Variants in FSTL4 observed in about 807,000 individuals in gnomAD.
FSTL4 encodes follistatin like 4.
Under a neutral mutation model 78.2 loss-of-function variants are expected in FSTL4, and 28 were observed. That is an observed-to-expected ratio of 0.36 (90% CI 0.27 to 0.49). The LOEUF (loss-of-function observed/expected upper bound fraction) is 0.49, where lower values mean the gene tolerates loss of function less well. Ranked by LOEUF, FSTL4 falls within the 20% of genes least tolerant of loss-of-function variation. The pLI is 0.98. For synonymous variants in FSTL4, 422 were observed against 440.5 expected, an observed-to-expected ratio of 0.96 and a Z score of 0.53; for missense variants, 922 against 1,084.9, an observed-to-expected ratio of 0.85 and a Z score of 2.11.
chr5:133,501,629 T>TA (rs1236925004), intron 3 of FSTL4, among the ~76,000 whole-genome samples: 1 of 152,212 alleles, frequency 6.6e-6, no homozygotes, highest in African/African-American at 2.4e-5. Context: ...GGCAGAATTC[T>TA]AAAAATGCCT....
intron 2 of FSTL4, among the ~76,000 whole-genome samples, chr5:133,578,973 C>T (rs1580801442): frequency 6.6e-6 from 1 of 151,662 alleles, no homozygotes; most frequent in African/African-American, 2.4e-5. Flanking sequence ...AATGAGCAAT[C>T]ACCACGTCCA....
At chr5:133,324,709 G>A (rs574963707) in intron 4 of FSTL4, among the ~76,000 whole-genome samples, 5 of 152,340 alleles carry the variant, frequency 3.3e-5, no homozygotes, top group Non-Finnish European at 5.9e-5. Flanking sequence ...GTCTGTTACC[G>A]GTATGACTGT....
intron 2 of FSTL4, among the ~76,000 whole-genome samples, chr5:133,595,517 A>T (rs189923032): frequency 6.6e-6 from 1 of 152,186 alleles, no homozygotes; most frequent in Admixed American, 6.5e-5. Context: ...GATATTTACC[A>T]CTCCACTGGA....
chr5:133,557,986 G>T (rs1352402561), intron 3 of FSTL4, among the ~76,000 whole-genome samples: 1 of 152,170 alleles, frequency 6.6e-6, no homozygotes, highest in Non-Finnish European at 1.5e-5. Context: ...TCAGAGAGTT[G>T]TTCTCCCAGA....
At chr5:133,800,907 G>C in the FSTL4 span, among the ~76,000 whole-genome samples, 1 of 152,158 alleles carries the variant, frequency 6.6e-6, no homozygotes. Flanking sequence ...GGGACTGCCT[G>C]GTGGTGGCAG....
chr5:133,322,618 G>T (rs551565814), intron 4 of FSTL4, among the ~76,000 whole-genome samples: 3 of 152,184 alleles, frequency 2.0e-5, no homozygotes, highest in Non-Finnish European at 4.4e-5. Context: ...AGAACACACC[G>T]CAGAATTGCT....
At position 133,230,670 on chromosome 5, in the gene FSTL4, G is replaced by A. The variant is rs183270187; in HGVS notation, c.1015+2747C>T. Reference sequence around the variant, plus strand: ...CCTCAGATCTGCCTGCTCCACCTCCGGTGCCCCTGCGTCTCCCCAGTTTTG... The same window carrying A: ...CCTCAGATCTGCCTGCTCCACCTCCAGTGCCCCTGCGTCTCCCCAGTTTTG... On this transcript the variant is annotated intron_variant, in intron 8 of 15. Transcript: ENST00000265342. Among the ~76,000 whole-genome samples the A allele has an allele frequency of 2.6e-3, 396 of 152,134 alleles. 3 individuals are homozygous for A. Among genetic ancestry groups the A allele is most frequent in the African/African-American group, 9.0e-3 (373 of 41,492 alleles).
chr5:133,716,726 T>C, the FSTL4 span, among the ~76,000 whole-genome samples: 1 of 152,238 alleles, frequency 6.6e-6, no homozygotes, highest in African/African-American at 2.4e-5. Flanking sequence ...GAGCCCACTG[T>C]GTGCCAGGTA....
At chr5:133,552,515 T>A (rs901347266) in intron 3 of FSTL4, among the ~76,000 whole-genome samples, 1 of 152,238 alleles carries the variant, frequency 6.6e-6, no homozygotes, top group Non-Finnish European at 1.5e-5. Flanking sequence ...TATATTTGGA[T>A]ATTTGAATCT....
intron 6 of FSTL4, among the ~76,000 whole-genome samples, chr5:133,250,283 C>G (rs749951046): frequency 2.0e-5 from 3 of 152,356 alleles, no homozygotes; most frequent in Non-Finnish European, 4.4e-5. Context: ...CAATCACAAG[C>G]TTTTTGAAAT....
the FSTL4 span, among the ~76,000 whole-genome samples, chr5:133,791,726 A>G: frequency 1.3e-5 from 2 of 152,066 alleles, no homozygotes; most frequent in Non-Finnish European, 2.9e-5. Flanking sequence ...GTCCATTCCT[A>G]TTCCACCTGT....
chr5:133,623,025 C>T, the FSTL4 span, among the ~76,000 whole-genome samples: 37,407 of 151,692 alleles, frequency 0.25, 5,944 homozygotes, highest in African/African-American at 0.46. Flanking sequence ...TTTTATGTTT[C>T]ACAATTAAAT....
the FSTL4 span, among the ~76,000 whole-genome samples, chr5:133,820,811 T>G: frequency 6.6e-6 from 1 of 152,218 alleles, no homozygotes; most frequent in African/African-American, 2.4e-5. Context: ...AACCAAGACA[T>G]GTAATATCTT....
intron 7 of FSTL4, among the ~76,000 whole-genome samples, chr5:133,240,378 T>G (rs1486522348): frequency 6.6e-6 from 1 of 152,216 alleles, no homozygotes; most frequent in Non-Finnish European, 1.5e-5. Flanking sequence ...AAGAAGTCTC[T>G]GCAACTTGGA....
At chr5:133,592,559 G>A (rs1022910245) in intron 2 of FSTL4, among the ~76,000 whole-genome samples, 3 of 152,078 alleles carry the variant, frequency 2.0e-5, no homozygotes, top group Admixed American at 6.5e-5. Flanking sequence ...TTTGTCCCCC[G>A]CCAAACCTAA....
intron 7 of FSTL4, among the ~76,000 whole-genome samples, chr5:133,240,675 C>T (rs976880615): frequency 2.0e-5 from 3 of 152,112 alleles, no homozygotes; most frequent in Admixed American, 6.5e-5. Flanking sequence ...TAGCGCATGA[C>T]TCATCTCTTC....
chr5:133,524,800 C>T (rs2112901908), intron 3 of FSTL4, among the ~76,000 whole-genome samples: 1 of 152,346 alleles, frequency 6.6e-6, no homozygotes, highest in South Asian at 2.1e-4. Context: ...AGCCATCCCG[C>T]TGCCTGGCCC....
At chr5:133,362,912 TTTTC>T (rs1018453718) in intron 4 of FSTL4, among the ~76,000 whole-genome samples, 11 of 152,220 alleles carry the variant, frequency 7.2e-5, no homozygotes, top group Admixed American at 2.0e-4. Flanking sequence ...AAATTCATTT[TTTTC>T]TTTCTTTCTT....
intron 3 of FSTL4, among the ~76,000 whole-genome samples, chr5:133,423,518 C>T (rs1561711536): frequency 6.6e-6 from 1 of 152,200 alleles, no homozygotes; most frequent in East Asian, 1.9e-4. Context: ...GAGGAGTTAG[C>T]CCCTGCTACA....
Sources: gnomAD v4.1 joint callset for allele counts (sites outside exome capture counted in the v4.1 genomes callset) on GRCh38, gnomAD v4.1.1 for gene constraint, MANE v1.5 for transcripts, NCBI Gene and HGNC (gene_info 2026-07-23, HGNC 2026-07-21) for gene names.